The following TTC36 variants were observed in gnomAD, a reference collection of about 807,000 sequenced individuals.
The protein encoded by TTC36 is tetratricopeptide repeat domain 36, also known as tetratricopeptide repeat protein 36.
Under a neutral mutation model 17.5 loss-of-function variants are expected in TTC36, and 15 were observed. That is an observed-to-expected ratio of 0.86 (90% CI 0.57 to 1.32). TTC36 has a LOEUF of 1.32. Among genes scored for constraint, TTC36 ranks in the 40% most tolerant of loss-of-function variants. TTC36 has a pLI of 0.00. For missense variants in TTC36, 292 were observed against 260.9 expected (o/e 1.12, Z -0.82); for synonymous variants, 112 against 109.8 (o/e 1.02, Z -0.13).
chr11:118,529,959 A>G (rs1402851033), intron 2 of TTC36, among the ~76,000 whole-genome samples: 1 of 152,260 alleles, frequency 6.6e-6, no homozygotes, highest in African/African-American at 2.4e-5. Context: ...TTCTGAGTTC[A>G]GAGTTCTGAG....
rs1555057101 is a variant in TTC36, at chr11:118,530,399, A to C, written c.308-255A>C. ...TTAGCGGTGGAAAATAATAGGAACA[A>C]GGCGAGACCTGGACTTCAGTCCCAG... On this transcript the variant is annotated intron_variant, in intron 2 of 2. Coordinates refer to ENST00000302783, the MANE Select transcript of TTC36 (RefSeq NM_001080441.4). This position sits in a 1 kb window ranked among gnomAD's most constrained non-coding sequence, Gnocchi z 5.8. 2.3e-6 allele frequency: 1 copy of C among 426,092 alleles called. No individual in the cohort carries two copies. Among genetic ancestry groups the C allele is most frequent in the Admixed American group, 4.6e-5 (1 of 21,884 alleles). The allele number at this position is 426,092 out of a possible 1,614,324, so 26.4% of individuals were successfully genotyped here. A position where few individuals can be genotyped will look rare whatever the true frequency, so the allele number is the denominator to read the frequency against.
chr11:118,530,572 C>G lies in TTC36; in HGVS notation c.308-82C>G. On this transcript the variant is annotated intron_variant, in intron 2 of 2. Transcript: ENST00000302783. The surrounding 1 kb of genome is among the most constrained non-coding windows in gnomAD (Gnocchi z 5.8). ...GCCGCAAGAACCACGGTGATCCGCG[C>G]GGCCGCAGGTGGGCTGGGGCTCGGG... 5.2e-6 allele frequency: 7 copies of G among 1,333,666 alleles called. No homozygotes were observed. The highest frequency in any genetic ancestry group is 5.7e-6 in the Non-Finnish European group (6 of 1,048,294). 82.6% of individuals were successfully genotyped at this position (1,333,666 alleles called of 1,614,324 possible). A position where few individuals can be genotyped will look rare whatever the true frequency, so the allele number is the denominator to read the frequency against.
chr11:118,530,657 C>G lies in TTC36; in HGVS notation c.311C>G (p.Ala104Gly). The G allele has an allele frequency of 1.4e-6, 2 of 1,462,900 alleles. No homozygotes were observed. The allele number at this position is 1,462,900 out of a possible 1,614,324, so 90.6% of individuals were successfully genotyped here. A position where few individuals can be genotyped will look rare whatever the true frequency, so the allele number is the denominator to read the frequency against. ...ARRLQGDVAGALEDLERAVEL... is the reference protein window; with the variant it reads ...ARRLQGDVAGGLEDLERAVEL... ...GCCCGTCTCGTCGGTCCCGCAGGCG[C>G]CCTGGAGGATCTGGAACGCGCGGTG... is the stretch of plus-strand genomic sequence containing the variant. The change falls in exon 3 of 3, where the codon GCC (alanine) becomes GGC (glycine). Residue 104 changes from alanine (A) to glycine (G), a missense_variant. Physicochemically the swap from Ala to Gly is moderately conservative, Grantham distance 60. Transcript: ENST00000302783. The surrounding 1 kb of genome is among the most constrained non-coding windows in gnomAD (Gnocchi z 5.8).
Position 118,530,575 on chromosome 11 carries a change from C to A in TTC36, c.308-79C>A, listed in dbSNP as rs781798700. 5 of 1,338,736 alleles carry A rather than the reference C, an allele frequency of 3.7e-6. No homozygotes were observed. Among genetic ancestry groups the A allele is most frequent in the Non-Finnish European group, 4.8e-6 (5 of 1,052,588 alleles). The allele number at this position is 1,338,736 out of a possible 1,614,324, so 82.9% of individuals were successfully genotyped here. A position where few individuals can be genotyped will look rare whatever the true frequency, so the allele number is the denominator to read the frequency against. The stretch of plus-strand genomic sequence containing the variant: ...GCAAGAACCACGGTGATCCGCGCGG[C>A]CGCAGGTGGGCTGGGGCTCGGGCAA... On this transcript the variant is annotated intron_variant, in intron 2 of 2. Coordinates refer to ENST00000302783, the MANE Select transcript of TTC36 (RefSeq NM_001080441.4). This position sits in a 1 kb window ranked among gnomAD's most constrained non-coding sequence, Gnocchi z 5.8.
In TTC36 at chr11:118,528,693, C is replaced by A. The variant is rs782528161; in HGVS notation, c.209C>A (p.Ala70Asp). Reference protein sequence around the residue: ...MAAEAGDLSTALERFGQAICL... With the variant: ...MAAEAGDLSTDLERFGQAICL... ...GCAGAGGCTGGGGACCTCAGCACAG[C>A]CCTGGAGAGGTTTGGCCAAGCCATC... Residue 70 changes from alanine to aspartate, a missense_variant, in exon 2 of 3, where the codon GCC becomes GAC. By Grantham distance (126) the Ala-to-Asp change is moderately radical. Coordinates refer to ENST00000302783, the MANE Select transcript of TTC36 (RefSeq NM_001080441.4). 1 of 1,613,474 alleles carries A rather than the reference C, an allele frequency of 6.2e-7. No homozygotes were observed. Among genetic ancestry groups the A allele is most frequent in the East Asian group, 2.2e-5 (1 of 44,882 alleles).
In TTC36 at chr11:118,530,964, T is replaced by G. The variant is rs1284222651; in HGVS notation, c.*48T>G. The G allele has an allele frequency of 1.1e-4, 162 of 1,450,912 alleles. No homozygotes were observed. Among genetic ancestry groups the G allele is most frequent in the Non-Finnish European group, 1.4e-4 (155 of 1,114,460 alleles). 89.9% of individuals were successfully genotyped at this position (1,450,912 alleles called of 1,614,324 possible). On this transcript the variant is annotated 3_prime_UTR_variant, in exon 3 of 3. Transcript: ENST00000302783. This position sits in a 1 kb window ranked among gnomAD's most constrained non-coding sequence, Gnocchi z 5.8. ...CGGGCGAGGGGACGGGACTGGGCCC[T>G]GAACCAATAAAGCCGTCGGGCCTCA...
intron 1 of TTC36, chr11:118,527,819 C>T (rs555171077): frequency 1.2e-4 from 75 of 642,048 alleles, no homozygotes; most frequent in Admixed American, 6.3e-4. Context: ...GTTTGTCTCT[C>T]GATCCATCAG....
At chr11:118,528,115 T>A (rs1951119776) in intron 1 of TTC36, 1 of 391,090 alleles carries the variant, frequency 2.6e-6, no homozygotes, top group Admixed American at 3.0e-5. Flanking sequence ...TGATCCTTTG[T>A]TTCTAGAGGA....
chr11:118,528,711 A>G lies in TTC36; in HGVS notation c.227A>G (p.Gln76Arg). 1 of 1,613,518 alleles carries G rather than the reference A, an allele frequency of 6.2e-7. No homozygotes were observed. The highest frequency in any genetic ancestry group is 8.5e-7 in the Non-Finnish European group (1 of 1,179,808). The change falls in exon 2 of 3, where the codon CAA (glutamine) becomes CGA (arginine). Residue 76 changes from glutamine (Q) to arginine (R), a missense_variant. Gln to Arg is a conservative substitution (Grantham distance 43). Transcript: ENST00000302783. The stretch of plus-strand genomic sequence containing the variant: ...AGCACAGCCCTGGAGAGGTTTGGCC[A>G]AGCCATCTGCCTGCTGCCTGAGAGG... ...DLSTALERFG[Q>R]AICLLPERAS...
In TTC36 at chr11:118,528,787, G is replaced by A. The variant is rs111477129; in HGVS notation, c.303G>A (p.Val101=). 5.8e-4 allele frequency: 932 copies of A among 1,605,112 alleles called. 3 individuals are homozygous for A. The African/African-American group carries it at 0.011, about 19-fold the overall frequency. ...RAQARRLQGD[V]AGALEDLERA... is the part of the protein sequence containing the mutation. ...AGGCCCGGCGACTCCAGGGAGACGT[G>A]GCAGGTAAGGGGAGATGCCCTGTAT... The change falls in exon 2 of 3, where the codon GTG becomes GTA. Residue 101 remains valine (V), a synonymous_variant. Coordinates refer to ENST00000302783, the MANE Select transcript of TTC36 (RefSeq NM_001080441.4).
chr11:118,530,860 A>T lies in TTC36; in HGVS notation c.514A>T (p.Asn172Tyr). Residue 172 changes from asparagine (N) to tyrosine (Y), a missense_variant, in exon 3 of 3, where the codon AAC becomes TAC. By Grantham distance (143) the Asn-to-Tyr change is moderately radical. Coordinates refer to ENST00000302783, the MANE Select transcript of TTC36 (RefSeq NM_001080441.4). This position sits in a 1 kb window ranked among gnomAD's most constrained non-coding sequence, Gnocchi z 5.8. ...GCTCAACCCCTACGCCGCGCTGTGC[A>T]ACCGCATGCTGGCCGACATGATGGG... ...VLLNPYAALC[N>Y]RMLADMMGQL... The T allele has an allele frequency of 2.0e-6, 3 of 1,510,582 alleles. No individual in the cohort carries two copies. The highest frequency in any genetic ancestry group is 2.6e-6 in the Non-Finnish European group (3 of 1,136,970). The allele number at this position is 1,510,582 out of a possible 1,614,324, so 93.6% of individuals were successfully genotyped here.
At chr11:118,527,954 A>G (rs1555056197) in intron 1 of TTC36, 3 of 470,632 alleles carry the variant, frequency 6.4e-6, no homozygotes, top group South Asian at 4.6e-5. Flanking sequence ...AGACTGAAAT[A>G]AGGCAGGGCA....
In TTC36 at chr11:118,530,463, T is replaced by C. The variant is rs1193002485; in HGVS notation, c.308-191T>C. ...TGGCTTGGCTGTAGAGCTTAACTCT[T>C]CCACAGTCTTCATCTGTGTAATGGG... is the stretch of plus-strand genomic sequence containing the variant. On this transcript the variant is annotated intron_variant, in intron 2 of 2. Coordinates refer to ENST00000302783, the MANE Select transcript of TTC36 (RefSeq NM_001080441.4). The surrounding 1 kb of genome is among the most constrained non-coding windows in gnomAD (Gnocchi z 5.8). The C allele has an allele frequency of 1.6e-6, 1 of 609,058 alleles. No individual in the cohort carries two copies. Among genetic ancestry groups the C allele is most frequent in the Non-Finnish European group, 2.5e-6 (1 of 399,644 alleles). 37.7% of individuals were successfully genotyped at this position (609,058 alleles called of 1,614,324 possible). A position where few individuals can be genotyped will look rare whatever the true frequency, so the allele number is the denominator to read the frequency against.
chr11:118,528,583 T>C lies in TTC36; in HGVS notation c.119-20T>C, dbSNP rs782243819. 1 of 1,539,846 alleles carries C rather than the reference T, an allele frequency of 6.5e-7. No homozygotes were observed. Among genetic ancestry groups the C allele is most frequent in the Non-Finnish European group, 8.8e-7 (1 of 1,140,370 alleles). On this transcript the variant is annotated intron_variant, in intron 1 of 2. Transcript: ENST00000302783. The stretch of plus-strand genomic sequence containing the variant: ...TACCAACTGCACACCTGGCTTCTCC[T>C]GGCTCCTTCCCTGGCCCAGATGAAG...
At chr11:118,528,914 T>A in intron 2 of TTC36, 123 bp downstream of exon 2, 1 of 844,668 alleles carries the variant, frequency 1.2e-6, no homozygotes, top group Non-Finnish European at 1.8e-6. Context: ...TTCTTACCTA[T>A]AAGGTAGGAG....
intron 2 of TTC36, among the ~76,000 whole-genome samples, chr11:118,529,633 C>G (rs1408111993): frequency 6.6e-6 from 1 of 152,178 alleles, no homozygotes; most frequent in Non-Finnish European, 1.5e-5. Context: ...GCTCCCAGAA[C>G]CAGCAATGCC....
rs902344768 is a variant in TTC36 at position 118,530,922 on chromosome 11, G to A, written c.*6G>A. The A allele has an allele frequency of 6.7e-7, 1 of 1,486,816 alleles. No individual in the cohort carries two copies. The highest frequency in any genetic ancestry group is 1.3e-5 in the South Asian group (1 of 79,310). The allele number at this position is 1,486,816 out of a possible 1,614,324, so 92.1% of individuals were successfully genotyped here. A position where few individuals can be genotyped will look rare whatever the true frequency, so the allele number is the denominator to read the frequency against. On this transcript the variant is annotated 3_prime_UTR_variant, in exon 3 of 3. Transcript: ENST00000302783. This position sits in a 1 kb window ranked among gnomAD's most constrained non-coding sequence, Gnocchi z 5.8. ...GCCCCCGTGACAGCCGCTGAGCGCC[G>A]CGGACCCGGGCGTCCGCGGGCGAGG...
At chr11:118,529,080 A>T (rs1472516592) in intron 2 of TTC36, among the ~76,000 whole-genome samples, 1 of 152,242 alleles carries the variant, frequency 6.6e-6, no homozygotes, top group Non-Finnish European at 1.5e-5. Flanking sequence ...ACCAACATTT[A>T]TATAGCAGTC....
chr11:118,527,967 GT>G, intron 1 of TTC36: 1 of 467,126 alleles, frequency 2.1e-6, no homozygotes, highest in Non-Finnish European at 4.3e-6. Flanking sequence ...GCAGGGCATG[GT>G]TGCTCAGTTG....
Sources: gnomAD v4.1 joint callset for allele counts (sites outside exome capture counted in the v4.1 genomes callset) on GRCh38, gnomAD v4.1.1 for gene constraint, Gnocchi (gnomAD v3.1) non-coding constraint, MANE v1.5 for transcripts, NCBI Gene and HGNC (gene_info 2026-07-23, HGNC 2026-07-21) for gene names.